The following SNX8 variants were observed in gnomAD, a reference collection of about 807,000 sequenced individuals.
SNX8 encodes the protein sorting nexin-8.
A neutral mutation model predicts 51.6 loss-of-function variants in SNX8; 25 were observed. The observed-to-expected ratio is 0.48, with a 90% CI of 0.35 to 0.68. The LOEUF (loss-of-function observed/expected upper bound fraction) is 0.68. Among genes scored for constraint, SNX8 ranks in the 30% least tolerant of loss-of-function variants. The pLI is 0.00. For missense variants in SNX8, 695 were observed against 624.0 expected (o/e 1.11, Z -1.21); for synonymous variants, 324 against 277.0 (o/e 1.17, Z -1.68).
rs182325800 is a variant in SNX8, at chr7:2,289,186, C to T, written c.95-10881G>A. Among the ~76,000 whole-genome samples, 724 of 152,236 alleles carry T rather than the reference C, an allele frequency of 4.8e-3. 3 individuals carry two copies. Among genetic ancestry groups the T allele is most frequent in the African/African-American group, 0.016 (674 of 41,530 alleles). ...GCGCCGCTGCGTGACTATGTGTCCTCGTCGCCTCCTCCTCCCTCTGCTGCG... is the reference window on the plus strand; with the variant it reads ...GCGCCGCTGCGTGACTATGTGTCCTTGTCGCCTCCTCCTCCCTCTGCTGCG... On this transcript the variant is annotated intron_variant, in intron 1 of 10. Transcript: ENST00000222990.
At chr7:2,343,167 A>G (rs1213454675) in intron 1 of SNX8, among the ~76,000 whole-genome samples, 1 of 151,504 alleles carries the variant, frequency 6.6e-6, no homozygotes, top group Non-Finnish European at 1.5e-5. Context: ...CTGACCTCAA[A>G]TAATCCACCC....
At position 2,293,410 on chromosome 7, in the gene SNX8, C is replaced by T. The variant is rs530657855; in HGVS notation, c.95-15105G>A. Among the ~76,000 whole-genome samples the T allele has an allele frequency of 7.2e-5, 11 of 152,050 alleles. No individual in the cohort carries two copies. In the South Asian group the frequency reaches 2.1e-3, roughly 29 times the overall value. ...GTGGCTCACGCCTGGAATCCTAGCA[C>T]TCTGGGAGGCCAAGGCAGGTGGATC... On this transcript the variant is annotated intron_variant, in intron 1 of 10. Transcript: ENST00000222990.
chr7:2,257,932 C>T, intron 7 of SNX8, 129 bp from the exon 8 acceptor site: 2 of 845,646 alleles, frequency 2.4e-6, no homozygotes, highest in Non-Finnish European at 1.9e-6. Context: ...CCAGGACCAC[C>T]AGCCAGGTCT....
intron 1 of SNX8, among the ~76,000 whole-genome samples, chr7:2,282,900 T>C (rs950239328): frequency 1.1e-4 from 17 of 152,032 alleles, no homozygotes; most frequent in Non-Finnish European, 2.9e-5. Flanking sequence ...GGCGGGTGGA[T>C]CACGAGGTCA....
At chr7:2,281,098 C>A (rs1336429309) in intron 1 of SNX8, among the ~76,000 whole-genome samples, 2 of 151,844 alleles carry the variant, frequency 1.3e-5, no homozygotes, top group East Asian at 3.9e-4. Context: ...CGGCCAGATG[C>A]CCATATTTGC....
chr7:2,259,286 G>A (rs919229413), intron 7 of SNX8, among the ~76,000 whole-genome samples: 5 of 152,284 alleles, frequency 3.3e-5, no homozygotes, highest in East Asian at 1.9e-4. Context: ...CGACACTGAC[G>A]CCTTCAGTCA....
chr7:2,302,885 G>A (rs1796435620), intron 1 of SNX8, among the ~76,000 whole-genome samples: 1 of 151,358 alleles, frequency 6.6e-6, no homozygotes, highest in Non-Finnish European at 1.5e-5. Flanking sequence ...CGTCTGAGAA[G>A]TGAGGAGCCC....
At chr7:2,259,483 G>A (rs546615445) in intron 7 of SNX8, among the ~76,000 whole-genome samples, 9 of 152,340 alleles carry the variant, frequency 5.9e-5, no homozygotes, top group African/African-American at 1.7e-4. Flanking sequence ...AGAAGTGGAT[G>A]GAACGAGTTT....
At chr7:2,351,055 T>C (rs1779127873) in intron 1 of SNX8, among the ~76,000 whole-genome samples, 1 of 152,064 alleles carries the variant, frequency 6.6e-6, no homozygotes, top group South Asian at 2.1e-4. Flanking sequence ...AGTTTGAGGC[T>C]GCAGTGAGCC....
chr7:2,296,348 A>G (rs1474737698), intron 1 of SNX8, among the ~76,000 whole-genome samples: 1 of 151,940 alleles, frequency 6.6e-6, no homozygotes, highest in Non-Finnish European at 1.5e-5. Flanking sequence ...GCTATTGTAA[A>G]TGGGAATGAG....
intron 1 of SNX8, among the ~76,000 whole-genome samples, chr7:2,306,375 G>A (rs936897029): frequency 4.6e-5 from 7 of 151,552 alleles, no homozygotes; most frequent in African/African-American, 9.7e-5. Flanking sequence ...CTCCCAAAGT[G>A]CTGGGATTAC....
At chr7:2,286,984 C>A (rs1045780396) in intron 1 of SNX8, among the ~76,000 whole-genome samples, 20 of 150,946 alleles carry the variant, frequency 1.3e-4, no homozygotes, top group Non-Finnish European at 2.4e-4. Context: ...ACTAAACATA[C>A]AAAAATTAGC....
At chr7:2,330,777 A>G (rs10264281) in intron 1 of SNX8, among the ~76,000 whole-genome samples, 75,317 of 151,944 alleles carry the variant, frequency 0.5, 18,990 homozygotes, top group East Asian at 0.58. Flanking sequence ...CTGTGGGGGA[A>G]TGAGAATGCA....
intron 1 of SNX8, among the ~76,000 whole-genome samples, chr7:2,342,326 A>C (rs774031821): frequency 1.3e-5 from 2 of 152,036 alleles, no homozygotes; most frequent in Non-Finnish European, 2.9e-5. Flanking sequence ...GATTGCATGT[A>C]TTAGTAATAA....
chr7:2,336,826 G>A (rs1006285808), intron 1 of SNX8, among the ~76,000 whole-genome samples: 1 of 150,356 alleles, frequency 6.7e-6, no homozygotes. Flanking sequence ...GGCCAACATG[G>A]TGAAACCTCA....
intron 1 of SNX8, among the ~76,000 whole-genome samples, chr7:2,286,226 G>A (rs184450595): frequency 1.3e-5 from 2 of 151,636 alleles, no homozygotes; most frequent in East Asian, 1.9e-4. Context: ...TGGCCAGGCT[G>A]GTCTTGAACT....
At chr7:2,281,040 ACCT>A (rs1453562152) in intron 1 of SNX8, among the ~76,000 whole-genome samples, 1 of 151,818 alleles carries the variant, frequency 6.6e-6, no homozygotes. Context: ...TGATCCACCC[ACCT>A]CAGCCTCCCA....
chr7:2,342,652 TCC>T (rs1778953987), intron 1 of SNX8, among the ~76,000 whole-genome samples: 1 of 139,712 alleles, frequency 7.2e-6, no homozygotes. Context: ...AGACTCCATC[TCC>T]CAAAAAAAAA....
At chr7:2,267,233 G>A (rs1195311950) in intron 5 of SNX8, among the ~76,000 whole-genome samples, 1 of 152,192 alleles carries the variant, frequency 6.6e-6, no homozygotes, top group Non-Finnish European at 1.5e-5. Flanking sequence ...AAATCACTTT[G>A]AAGGGTTAAA....
Sources: gnomAD v4.1 joint callset for allele counts (sites outside exome capture counted in the v4.1 genomes callset) on GRCh38, gnomAD v4.1.1 for gene constraint, MANE v1.5 for transcripts, NCBI Gene and HGNC (gene_info 2026-07-23, HGNC 2026-07-21) for gene names.